C3: variants seen among roughly 807,000 people sequenced by gnomAD.
C3 encodes C3 and PZP-like alpha-2-macroglobulin domain-containing protein 1.
A neutral mutation model predicts 207.9 loss-of-function variants in C3; 97 were observed. The ratio of observed to expected loss-of-function variants is 0.47; its 90% CI spans 0.40 to 0.55. The LOEUF is 0.55. Among genes scored for constraint, C3 ranks in the 20% least tolerant of loss-of-function variants. C3 has a pLI of 0.00. For missense variants in C3, 1,684 were observed against 2,171.7 expected (o/e 0.78, Z 4.46); for synonymous variants, 848 against 857.6 (o/e 0.99, Z 0.20).
intron 28 of C3, 53 bp downstream of exon 28, chr19:6,686,693 C>T (rs1918017275): frequency 3.8e-6 from 6 of 1,576,804 alleles, no homozygotes; most frequent in African/African-American, 2.7e-5. Context: ...CAGTATCTCC[C>T]GCCCTGAACT....
chr19:6,686,456 C>A, intron 28 of C3, 169 bp from the exon 29 acceptor site: 1 of 755,488 alleles, frequency 1.3e-6, no homozygotes, highest in South Asian at 1.5e-5. Context: ...CTTGTTTCAT[C>A]AACTCTCACT....
intron 35 of C3, 119 bp from the exon 36 acceptor site, chr19:6,680,382 A>T: frequency 1.4e-6 from 1 of 711,176 alleles, no homozygotes; most frequent in Non-Finnish European, 2.6e-6. Flanking sequence ...GCAAAGATGA[A>T]TGAGCAATTC....
chr19:6,707,115 G>A lies in C3; in HGVS notation c.2206C>T (p.Arg736Trp), dbSNP rs755883998. 2 of 1,613,016 alleles carry A rather than the reference G, an allele frequency of 1.2e-6. No individual in the cohort carries two copies. Among genetic ancestry groups the A allele is most frequent in the South Asian group, 1.1e-5 (1 of 91,050 alleles). ...AGGTGGCTGGCCCGCGCGTGCTGCCGCCGCAGCTCTGTGATGTAGTTGCAG... is the reference window on the plus strand; with the variant it reads ...AGGTGGCTGGCCCGCGCGTGCTGCCACCGCAGCTCTGTGATGTAGTTGCAG... The part of the protein sequence containing the change: ...DCCNYITELR[R>W]QHARASHLGL... Residue 736 changes from arginine (R) to tryptophan (W), a missense_variant, in exon 17 of 41, where the codon CGG (arginine) becomes TGG (tryptophan). Transcript: ENST00000245907.
At chr19:6,706,379 G>T (rs561983929) in intron 17 of C3, among the ~76,000 whole-genome samples, 2 of 151,864 alleles carry the variant, frequency 1.3e-5, no homozygotes, top group African/African-American at 4.8e-5. Flanking sequence ...CCTCCCTCAG[G>T]CCTGGGCCTC....
intron 26 of C3, among the ~76,000 whole-genome samples, chr19:6,691,862 C>T (rs1918175090): frequency 6.6e-6 from 1 of 152,054 alleles, no homozygotes; most frequent in Non-Finnish European, 1.5e-5. Flanking sequence ...GAGCGGGCAC[C>T]TGTAATCCCA....
chr19:6,678,320 C>T (rs1917773714), intron 39 of C3, 33 bp from the exon 40 acceptor site: 1 of 1,613,950 alleles, frequency 6.2e-7, no homozygotes, highest in East Asian at 2.2e-5. Context: ...GAAGCTGAGT[C>T]GTGGGGAGGA....
chr19:6,706,314 G>A (rs11569439), intron 17 of C3, among the ~76,000 whole-genome samples: 6,342 of 152,262 alleles, frequency 0.042, 439 homozygotes, highest in African/African-American at 0.15. Context: ...TCCCAGGCAG[G>A]AAACTGCTCT....
At chr19:6,712,770 G>A in intron 9 of C3, 147 bp from the exon 10 acceptor site, 1 of 735,596 alleles carries the variant, frequency 1.4e-6, no homozygotes, top group Non-Finnish European at 2.4e-6. Context: ...CCATCAGACT[G>A]GACTCCACCT....
chr19:6,695,254 G>A lies in C3; in HGVS notation c.2951-620C>T, dbSNP rs1170736580. The stretch of plus-strand genomic sequence containing the variant: ...CACTGCACTCTAGCCTGGCGACAGA[G>A]TGAGACTCCGCCTCAAAAAAAAAAA... On this transcript the variant is annotated intron_variant, in intron 23 of 40. Transcript: ENST00000245907. Among the ~76,000 whole-genome samples the A allele has an allele frequency of 2.7e-5, 4 of 147,070 alleles. No individual in the cohort carries two copies. In the East Asian group the frequency reaches 8.0e-4, roughly 29 times the overall value.
chr19:6,704,976 C>T (rs1484939280), intron 17 of C3, among the ~76,000 whole-genome samples: 1 of 152,026 alleles, frequency 6.6e-6, no homozygotes, highest in Non-Finnish European at 1.5e-5. Context: ...AGAGCTCAAG[C>T]GATCCCGCTG....
intron 4 of C3, among the ~76,000 whole-genome samples, chr19:6,715,780 C>A (rs1968020768): frequency 6.8e-6 from 1 of 146,354 alleles, no homozygotes; most frequent in African/African-American, 2.6e-5. Context: ...CGCCACCACG[C>A]CCAGCTAATT....
chr19:6,705,538 G>A (rs909971923), intron 17 of C3, among the ~76,000 whole-genome samples: 9 of 151,452 alleles, frequency 5.9e-5, no homozygotes, highest in African/African-American at 2.2e-4. Context: ...GTAGATATGG[G>A]GTTCTGCCAT....
At chr19:6,680,020 C>T (rs531115255) in intron 36 of C3, 138 bp downstream of exon 36, 3 of 700,218 alleles carry the variant, frequency 4.3e-6, no homozygotes, top group Admixed American at 2.0e-5. Flanking sequence ...CCCTCAGACC[C>T]GTGGGACCTT....
chr19:6,697,323 G>T, intron 21 of C3, 21 bp downstream of exon 21: 1 of 1,589,176 alleles, frequency 6.3e-7, no homozygotes, highest in Non-Finnish European at 8.6e-7. Context: ...ACAAGGGTTT[G>T]TGGGTGCCCC....
At chr19:6,712,765 A>G in intron 9 of C3, 142 bp from the exon 10 acceptor site, 3 of 748,514 alleles carry the variant, frequency 4.0e-6, no homozygotes, top group Non-Finnish European at 7.1e-6. Flanking sequence ...GCCCCCCATC[A>G]GACTGGACTC....
intron 14 of C3, 123 bp downstream of exon 14, chr19:6,709,561 C>T: frequency 9.0e-7 from 1 of 1,114,086 alleles, no homozygotes; most frequent in South Asian, 1.2e-5. Context: ...GTCTGGTCTG[C>T]TCCGATCTCT....
intron 17 of C3, 119 bp downstream of exon 17, chr19:6,706,957 T>A: frequency 1.6e-4 from 31 of 189,778 alleles, no homozygotes; most frequent in East Asian, 6.3e-4. Flanking sequence ...TCCTCCCCCC[T>A]CAGACAGCGG....
intron 14 of C3, 73 bp downstream of exon 14, chr19:6,709,611 T>TGGCCCCCCCCCCCCCCCCCCCCC: frequency 9.0e-7 from 1 of 1,109,444 alleles, no homozygotes; most frequent in East Asian, 2.6e-5. Context: ...CCCTCTCCAG[T>TGGCCCCCCCCCCCCCCCCCCCCC]CCCACCCACC....
chr19:6,686,207 G>T lies in C3; in HGVS notation c.3727C>A (p.Leu1243Ile), dbSNP rs1918004580. 1 of 1,614,176 alleles carries T rather than the reference G, an allele frequency of 6.2e-7. No individual in the cohort carries two copies. The highest frequency in any genetic ancestry group is 8.5e-7 in the Non-Finnish European group (1 of 1,180,020). ...GGAGGCACAAAGTCAAAGTCTTTTA[G>T]CTGCAGTAGGGCCAAGAGGGCATAG... The part of the protein sequence containing the change: ...TSYALLALLQ[L>I]KDFDFVPPVV... The change falls in exon 29 of 41, where the codon CTA (leucine) becomes ATA (isoleucine). Residue 1243 changes from leucine (L) to isoleucine (I), a missense_variant. This residue lies in a region of C3 where 1,280 missense variants were observed against 1,739.1 expected (regional missense o/e 0.74). Coordinates refer to ENST00000245907, the MANE Select transcript of C3 (RefSeq NM_000064.4).
Sources: gnomAD v4.1 joint callset for allele counts (sites outside exome capture counted in the v4.1 genomes callset) on GRCh38, gnomAD v4.1.1 for gene constraint, gnomAD v4.1.1 regional missense constraint, MANE v1.5 for transcripts, NCBI Gene and HGNC (gene_info 2026-07-23, HGNC 2026-07-21) for gene names.